Variants in NRXN3 observed in about 807,000 individuals in gnomAD.
NRXN3 encodes the protein neurexin 3.
In NRXN3, 32 loss-of-function variants were observed where a neutral mutation model predicts 137.6. That is an observed-to-expected ratio of 0.23 (90% CI 0.18 to 0.31). NRXN3 has a LOEUF of 0.31. Ranked by LOEUF, NRXN3 falls within the 10% of genes least tolerant of loss-of-function variation. The pLI is 1.00. For synonymous variants in NRXN3, 798 were observed against 784.5 expected, an observed-to-expected ratio of 1.02 and a Z score of -0.29; for missense variants, 1,574 against 2,062.5, an observed-to-expected ratio of 0.76 and a Z score of 4.59.
chr14:79,049,099 G>A (rs1339383944), intron 15 of NRXN3, among the ~76,000 whole-genome samples: 8 of 74,184 alleles, frequency 1.1e-4, no homozygotes, highest in African/African-American at 4.2e-4. Flanking sequence ...ATAATAATAT[G>A]ATGGGGTGTG....
rs539290824 is a variant in NRXN3, at chr14:79,140,425, C to A, written c.3262+152284C>A. Among the ~76,000 whole-genome samples, 9 of 152,228 alleles carry A rather than the reference C, an allele frequency of 5.9e-5. No homozygotes were observed. The South Asian group carries it at 8.3e-4, about 14-fold the overall frequency. ...GATGTAAGCTGTTTACCTCTGTACC[C>A]AGCAAAATACCTTCCAATGAGGTTA... On this transcript the variant is annotated intron_variant, in intron 15 of 20. Coordinates refer to ENST00000335750, the MANE Select transcript of NRXN3 (RefSeq NM_001330195.2).
intron 4 of NRXN3, among the ~76,000 whole-genome samples, chr14:78,613,112 C>T (rs2097314053): frequency 6.6e-6 from 1 of 151,538 alleles, no homozygotes; most frequent in South Asian, 2.1e-4. Context: ...TGCCAATCAG[C>T]CTCCTTGCTA....
intron 10 of NRXN3, among the ~76,000 whole-genome samples, chr14:78,876,657 AC>A (rs535127891): frequency 6.3e-4 from 96 of 152,322 alleles, no homozygotes; most frequent in Non-Finnish European, 1.0e-3. Flanking sequence ...TGGTTACATG[AC>A]CAAAGAGTTG....
At chr14:79,584,514 A>C (rs1254903666) in intron 16 of NRXN3, among the ~76,000 whole-genome samples, 1 of 152,190 alleles carries the variant, frequency 6.6e-6, no homozygotes, top group African/African-American at 2.4e-5. Context: ...AATATGGAGA[A>C]AGGTTAGAGA....
intron 4 of NRXN3, among the ~76,000 whole-genome samples, chr14:78,470,568 C>T (rs955273691): frequency 2.6e-5 from 4 of 151,600 alleles, no homozygotes; most frequent in African/African-American, 9.7e-5. Context: ...ATCAGTGGGG[C>T]TGGTTGGTTA....
chr14:79,671,677 A>ACTT lies in NRXN3; in HGVS notation c.3616+7730_3616+7732dup, dbSNP rs1463604745. On this transcript the variant is annotated intron_variant, in intron 17 of 20. Transcript: ENST00000335750. ...ATTTAATTTTTGTTTTATCAAGGAA[A>ACTT]CTTCCTTTCTTCTCTGTGAATTCCC... 3.3e-5 allele frequency among the ~76,000 whole-genome samples: 5 copies of ACTT among 151,992 alleles called. No homozygotes were observed. In the East Asian group the frequency reaches 9.7e-4, roughly 29 times the overall value.
At chr14:79,474,527 T>C (rs1278022780) in intron 16 of NRXN3, among the ~76,000 whole-genome samples, 3 of 152,112 alleles carry the variant, frequency 2.0e-5, no homozygotes, top group Admixed American at 2.0e-4. Flanking sequence ...TAGCATAAAG[T>C]GAAGAAGCAG....
At chr14:78,625,099 C>T (rs1238024133) in intron 4 of NRXN3, among the ~76,000 whole-genome samples, 1 of 152,192 alleles carries the variant, frequency 6.6e-6, no homozygotes, top group Non-Finnish European at 1.5e-5. Flanking sequence ...CTTGGCCTCC[C>T]AAAGTGTTGG....
At chr14:79,189,982 A>G (rs1002079139) in intron 15 of NRXN3, among the ~76,000 whole-genome samples, 1 of 152,194 alleles carries the variant, frequency 6.6e-6, no homozygotes, top group African/African-American at 2.4e-5. Flanking sequence ...ACACTTGAAT[A>G]TATGTTCTGA....
chr14:78,441,995 C>G (rs991618136), intron 4 of NRXN3, among the ~76,000 whole-genome samples: 3 of 151,442 alleles, frequency 2.0e-5, no homozygotes, highest in African/African-American at 7.3e-5. Flanking sequence ...ACTCGGGAGG[C>G]TGAGGCAGGA....
At chr14:78,184,598 G>T (rs1485520390) in intron 1 of NRXN3, among the ~76,000 whole-genome samples, 7 of 152,174 alleles carry the variant, frequency 4.6e-5, no homozygotes, top group Non-Finnish European at 1.0e-4. Context: ...TTTAATATTG[G>T]CATCTGGCAT....
intron 12 of NRXN3, among the ~76,000 whole-genome samples, chr14:78,966,615 A>G (rs1266932947): frequency 6.6e-6 from 1 of 152,212 alleles, no homozygotes; most frequent in Non-Finnish European, 1.5e-5. Context: ...TCTTCCACTA[A>G]CTCAACACTA....
chr14:79,202,498 G>A (rs1032826370), intron 15 of NRXN3, among the ~76,000 whole-genome samples: 1 of 151,954 alleles, frequency 6.6e-6, no homozygotes, highest in African/African-American at 2.4e-5. Context: ...AGTATACACT[G>A]TACCATATTT....
intron 19 of NRXN3, among the ~76,000 whole-genome samples, chr14:79,752,757 A>G (rs1340336063): frequency 6.6e-6 from 1 of 152,130 alleles, no homozygotes. Context: ...ACAGCAGAAG[A>G]AACTACCATC....
At chr14:79,573,793 T>G (rs2097637725) in intron 16 of NRXN3, among the ~76,000 whole-genome samples, 1 of 152,118 alleles carries the variant, frequency 6.6e-6, no homozygotes, top group Non-Finnish European at 1.5e-5. Context: ...TTTGTAATCT[T>G]TTATCAATTC....
rs10714733 is a variant in NRXN3, at chr14:78,464,056, A to AT, written c.757+166210dup. Among the ~76,000 whole-genome samples, 111 of 125,086 alleles carry AT rather than the reference A, an allele frequency of 8.9e-4. 6 individuals carry two copies. The South Asian group carries it at 0.029, about 32-fold the overall frequency. 82.1% of individuals were successfully genotyped at this position (125,086 alleles called of 152,430 possible). A position where few individuals can be genotyped will look rare whatever the true frequency, so the allele number is the denominator to read the frequency against. ...TTATTTTTATTTATTTAATTAATTA[A>AT]TTTTTTTTTTTTTTGAGGCAGAGTC... On this transcript the variant is annotated intron_variant, in intron 4 of 20. Coordinates refer to ENST00000335750, the MANE Select transcript of NRXN3 (RefSeq NM_001330195.2).
chr14:79,504,402 T>C (rs1321672277), intron 16 of NRXN3, among the ~76,000 whole-genome samples: 1 of 151,856 alleles, frequency 6.6e-6, no homozygotes, highest in Non-Finnish European at 1.5e-5. Flanking sequence ...TTCTGTTATC[T>C]ATTCCAAATT....
At chr14:79,739,472 C>T (rs977224464) in intron 19 of NRXN3, among the ~76,000 whole-genome samples, 2 of 151,324 alleles carry the variant, frequency 1.3e-5, no homozygotes, top group Non-Finnish European at 2.9e-5. Context: ...TGGTGAAACC[C>T]GTCTCTACTA....
intron 19 of NRXN3, among the ~76,000 whole-genome samples, chr14:79,754,503 GATATATAT>G (rs57962525): frequency 1.0e-3 from 44 of 44,166 alleles, no homozygotes; most frequent in Non-Finnish European, 1.5e-3. Flanking sequence ...ACTCTCTCTT[GATATATAT>G]ATATATATAT....
Sources: allele counts gnomAD v4.1 joint callset (sites outside exome capture counted in the v4.1 genomes callset), GRCh38; gene constraint gnomAD v4.1.1; transcripts MANE v1.5; gene names NCBI Gene and HGNC (gene_info 2026-07-23, HGNC 2026-07-21).